The following CNTN5 variants were observed in gnomAD, a reference collection of about 807,000 sequenced individuals.
CNTN5 encodes contactin 5.
CNTN5 carries 77 observed loss-of-function variants against 129.1 expected under a neutral mutation model. The observed-to-expected ratio is 0.60, with a 90% confidence interval of 0.50 to 0.72. The LOEUF (loss-of-function observed/expected upper bound fraction) is 0.72. CNTN5 is among the 30% of genes least tolerant of loss of function. The pLI, the probability that CNTN5 is intolerant of heterozygous loss-of-function variation, is 0.00. For missense variants in CNTN5, 1,478 were observed against 1,328.8 expected, an observed-to-expected ratio of 1.11 and a Z score of -1.75; for synonymous variants, 509 against 465.6, an observed-to-expected ratio of 1.09 and a Z score of -1.20.
chr11:99,791,367 G>T (rs1194460762), intron 3 of CNTN5, among the ~76,000 whole-genome samples: 1 of 152,106 alleles, frequency 6.6e-6, no homozygotes, highest in Non-Finnish European at 1.5e-5. Flanking sequence ...CATATGGCTA[G>T]CAGGTTATTC....
chr11:99,365,953 T>G (rs1399518017), intron 2 of CNTN5, among the ~76,000 whole-genome samples: 1 of 152,170 alleles, frequency 6.6e-6, no homozygotes, highest in African/African-American at 2.4e-5. Context: ...GAAATTATTT[T>G]CTTTCAGGAT....
chr11:99,968,346 G>A (rs1479067192), intron 8 of CNTN5, among the ~76,000 whole-genome samples: 2 of 152,162 alleles, frequency 1.3e-5, no homozygotes, highest in Admixed American at 1.3e-4. Context: ...CTATTTGGTG[G>A]TGGGGAGTCT....
intron 6 of CNTN5, among the ~76,000 whole-genome samples, chr11:99,900,912 A>G (rs997525472): frequency 6.6e-6 from 1 of 152,008 alleles, no homozygotes; most frequent in Admixed American, 6.6e-5. Flanking sequence ...CTAAAGCTTT[A>G]TATGTTACTA....
chr11:99,022,407 G>A (rs1016161505), intron 1 of CNTN5, among the ~76,000 whole-genome samples: 1 of 152,120 alleles, frequency 6.6e-6, no homozygotes, highest in African/African-American at 2.4e-5. Context: ...GTGACTCTCA[G>A]TATTTTAAAA....
At chr11:99,994,440 G>GT in intron 8 of CNTN5, among the ~76,000 whole-genome samples, 1 of 151,924 alleles carries the variant, frequency 6.6e-6, no homozygotes, top group East Asian at 1.9e-4. Flanking sequence ...AGCTTTGGAG[G>GT]TTGAAGTCCC....
intron 1 of CNTN5, among the ~76,000 whole-genome samples, chr11:99,107,944 A>G: frequency 6.6e-6 from 1 of 150,814 alleles, no homozygotes; most frequent in Admixed American, 6.6e-5. Flanking sequence ...AAAGTAAAAA[A>G]AAAAAAAAAA....
At chr11:99,441,939 G>A (rs750446954) in intron 2 of CNTN5, among the ~76,000 whole-genome samples, 3 of 152,010 alleles carry the variant, frequency 2.0e-5, no homozygotes, top group East Asian at 1.9e-4. Flanking sequence ...CTCTGCCTCC[G>A]TACTATTGAT....
intron 4 of CNTN5, among the ~76,000 whole-genome samples, chr11:99,822,927 A>G (rs752894748): frequency 3.3e-5 from 5 of 152,296 alleles, no homozygotes; most frequent in African/African-American, 4.8e-5. Context: ...GCTTGCTCAT[A>G]TTAATGGAAG....
chr11:99,310,360 A>G (rs1865057118), intron 1 of CNTN5, among the ~76,000 whole-genome samples: 2 of 152,294 alleles, frequency 1.3e-5, no homozygotes, highest in South Asian at 2.1e-4. Flanking sequence ...TTTCAGAAAG[A>G]CATTTATAAT....
At position 100,357,427 on chromosome 11, in the gene CNTN5, A is replaced by C. The variant is rs1226925343; in HGVS notation, c.*1207A>C. ...GCTTGGGAAGTAATCCTTATTTGCT[A>C]TTTCAAAGAGTCATCTTGAGCCTGA... On this transcript the variant is annotated 3_prime_UTR_variant, in exon 25 of 25. Coordinates refer to ENST00000524871, the MANE Select transcript of CNTN5 (RefSeq NM_014361.4). The C allele has an allele frequency of 6.6e-6, 1 of 151,680 alleles. No homozygotes were observed. Among genetic ancestry groups the C allele is most frequent in the Non-Finnish European group, 1.5e-5 (1 of 67,762 alleles). The allele number at this position is 151,680 out of a possible 1,614,324, so 9.4% of individuals were successfully genotyped here. A position where few individuals can be genotyped will look rare whatever the true frequency, so the allele number is the denominator to read the frequency against.
At chr11:99,754,095 A>T (rs545901513) in intron 3 of CNTN5, among the ~76,000 whole-genome samples, 4 of 152,124 alleles carry the variant, frequency 2.6e-5, no homozygotes, top group Non-Finnish European at 4.4e-5. Context: ...CGTTTAGGTC[A>T]TAGGTAGTGG....
chr11:99,250,710 T>C (rs1157284640), intron 1 of CNTN5, among the ~76,000 whole-genome samples: 3 of 151,890 alleles, frequency 2.0e-5, no homozygotes, highest in Non-Finnish European at 4.4e-5. Flanking sequence ...ATTATACTTG[T>C]TATAGTGGCA....
At chr11:99,672,246 A>G (rs1225517003) in intron 3 of CNTN5, among the ~76,000 whole-genome samples, 2 of 152,078 alleles carry the variant, frequency 1.3e-5, no homozygotes, top group Non-Finnish European at 2.9e-5. Flanking sequence ...TGCTCTCTTA[A>G]TGAGTGCTAC....
At chr11:99,868,223 A>AAC (rs1946176562) in intron 6 of CNTN5, among the ~76,000 whole-genome samples, 1 of 152,096 alleles carries the variant, frequency 6.6e-6, no homozygotes, top group South Asian at 2.1e-4. Flanking sequence ...TCTCATAAAA[A>AAC]AAAAAAAACA....
intron 16 of CNTN5, among the ~76,000 whole-genome samples, chr11:100,234,345 G>C (rs1419960596): frequency 6.6e-6 from 1 of 152,144 alleles, no homozygotes. Context: ...ACATGCACAT[G>C]TATGTTTATT....
intron 3 of CNTN5, among the ~76,000 whole-genome samples, chr11:99,775,706 G>C: frequency 6.6e-6 from 1 of 151,802 alleles, no homozygotes; most frequent in East Asian, 1.9e-4. Flanking sequence ...ATTTACCTCT[G>C]TGTGCTATAA....
intron 1 of CNTN5, among the ~76,000 whole-genome samples, chr11:99,244,465 C>A (rs1020590149): frequency 5.9e-5 from 9 of 152,152 alleles, no homozygotes; most frequent in African/African-American, 2.2e-4. Context: ...ACTTCTTGAA[C>A]CAATGAATTA....
intron 1 of CNTN5, among the ~76,000 whole-genome samples, chr11:99,169,451 TG>T (rs1240969629): frequency 6.7e-6 from 1 of 149,964 alleles, no homozygotes; most frequent in East Asian, 2.0e-4. Flanking sequence ...TGTGTATATA[TG>T]ATTTTGTGAG....
intron 9 of CNTN5, among the ~76,000 whole-genome samples, chr11:100,010,954 C>T (rs946718259): frequency 1.2e-4 from 18 of 152,096 alleles, no homozygotes; most frequent in Non-Finnish European, 2.4e-4. Flanking sequence ...ACTATTTAGC[C>T]TGCCCCACTG....
Sources: gnomAD v4.1 joint callset for allele counts (sites outside exome capture counted in the v4.1 genomes callset) on GRCh38, gnomAD v4.1.1 for gene constraint, MANE v1.5 for transcripts, NCBI Gene and HGNC (gene_info 2026-07-23, HGNC 2026-07-21) for gene names.